DNAJC13: variants seen among roughly 807,000 people sequenced by gnomAD.
DNAJC13 encodes dnaJ homolog subfamily C member 13.
Under a neutral mutation model 290.5 loss-of-function variants are expected in DNAJC13, and 75 were observed. The ratio of observed to expected loss-of-function variants is 0.26; its 90% CI spans 0.21 to 0.31. DNAJC13 has a LOEUF of 0.31. Ranked by LOEUF, DNAJC13 falls within the 10% of genes least tolerant of loss-of-function variation. The probability of loss-of-function intolerance (pLI) is 1.00; values close to 1 mark genes in which losing one functional copy is unlikely to be tolerated. For synonymous variants in DNAJC13, 862 were observed against 892.0 expected, an observed-to-expected ratio of 0.97 and a Z score of 0.60; for missense variants, 2,260 against 2,674.5, an observed-to-expected ratio of 0.85 and a Z score of 3.42.
intron 20 of DNAJC13, among the ~76,000 whole-genome samples, chr3:132,472,097 G>A (rs918204577): frequency 1.5e-4 from 22 of 150,016 alleles, no homozygotes; most frequent in African/African-American, 5.1e-4. Flanking sequence ...CCAGTCAGGC[G>A]TGGCGGCGCG....
intron 19 of DNAJC13, among the ~76,000 whole-genome samples, chr3:132,466,933 C>T (rs1255955168): frequency 1.3e-5 from 2 of 152,182 alleles, no homozygotes; most frequent in African/African-American, 2.4e-5. Context: ...TCTCTGTCTG[C>T]ACCCAGCTCC....
Position 132,530,983 on chromosome 3 carries a change from G to A in DNAJC13, c.6526-15G>A, listed in dbSNP as rs200028773. 37 of 1,609,698 alleles carry A rather than the reference G, an allele frequency of 2.3e-5. No individual in the cohort carries two copies. The African/African-American group carries it at 4.7e-4, about 20-fold the overall frequency. On this transcript the variant is annotated splice_polypyrimidine_tract_variant and intron_variant, in intron 54 of 55. Transcript: ENST00000260818. Reference sequence around the variant, plus strand: ...CCTTGATTTTATGTTCAAAGGGCTTGTTTTACTTTCCTAGGTGAATGAAAT... The same window carrying A: ...CCTTGATTTTATGTTCAAAGGGCTTATTTTACTTTCCTAGGTGAATGAAAT...
chr3:132,420,859 T>C (rs537048812), intron 1 of DNAJC13, among the ~76,000 whole-genome samples: 1 of 152,190 alleles, frequency 6.6e-6, no homozygotes, highest in Non-Finnish European at 1.5e-5. Flanking sequence ...AAAAATTACC[T>C]CAATCTCTAC....
Position 132,531,540 on chromosome 3 carries a change from A to G in DNAJC13, c.6625+443A>G, listed in dbSNP as rs540203937. Among the ~76,000 whole-genome samples, 6 of 152,300 alleles carry G rather than the reference A, an allele frequency of 3.9e-5. No homozygotes were observed. The South Asian group carries it at 8.3e-4, about 21-fold the overall frequency. ...TGGCTGGGCGCGGTGGCTCACGCCT[A>G]TAATCCCAGCACTTTGGGAAGCTGA... On this transcript the variant is annotated intron_variant, in intron 55 of 55. Coordinates refer to ENST00000260818, the MANE Select transcript of DNAJC13 (RefSeq NM_015268.4).
At chr3:132,471,907 T>G (rs1284563385) in intron 20 of DNAJC13, among the ~76,000 whole-genome samples, 6 of 142,312 alleles carry the variant, frequency 4.2e-5, no homozygotes, top group African/African-American at 1.0e-4. Context: ...CTGGGAGGTG[T>G]AGGTTGTAGT....
chr3:132,535,398 T>C (rs906320028), intron 55 of DNAJC13, among the ~76,000 whole-genome samples: 7 of 152,196 alleles, frequency 4.6e-5, no homozygotes, highest in African/African-American at 1.7e-4. Context: ...TATTTAAAGG[T>C]GCCTCAGTGG....
chr3:132,447,230 T>G, intron 3 of DNAJC13, 91 bp from the exon 4 acceptor site: 1 of 1,153,854 alleles, frequency 8.7e-7, no homozygotes, highest in Non-Finnish European at 1.1e-6. Flanking sequence ...TTTGCTGATT[T>G]AATCAGTGAT....
At chr3:132,532,398 G>A (rs1261112056) in intron 55 of DNAJC13, among the ~76,000 whole-genome samples, 1 of 152,052 alleles carries the variant, frequency 6.6e-6, no homozygotes, top group African/African-American at 2.4e-5. Flanking sequence ...TCCTAAAGTT[G>A]GAGCAGAGTC....
At chr3:132,434,663 A>G (rs772803277) in intron 2 of DNAJC13, 45 bp downstream of exon 2, 1 of 1,459,538 alleles carries the variant, frequency 6.9e-7, no homozygotes, top group Non-Finnish European at 9.5e-7. Flanking sequence ...TCTATAAAAT[A>G]TTTTAAACAT....
At chr3:132,497,345 A>G (rs1277806691) in intron 36 of DNAJC13, among the ~76,000 whole-genome samples, 1 of 152,238 alleles carries the variant, frequency 6.6e-6, no homozygotes, top group African/African-American at 2.4e-5. Context: ...AATATGGCAG[A>G]TGCCCAATGG....
intron 20 of DNAJC13, among the ~76,000 whole-genome samples, chr3:132,471,049 G>A (rs1386555785): frequency 2.9e-4 from 40 of 137,026 alleles, no homozygotes; most frequent in Non-Finnish European, 3.7e-4. Flanking sequence ...CGGACGGGGC[G>A]GCTGGCCAGG....
chr3:132,537,269 A>G (rs1212445816), intron 55 of DNAJC13: 2 of 455,374 alleles, frequency 4.4e-6, no homozygotes, highest in Admixed American at 2.4e-5. Context: ...TGAAGCAGGT[A>G]GAGAAATGTT....
chr3:132,461,406 GA>G (rs922345525), intron 15 of DNAJC13, among the ~76,000 whole-genome samples: 9 of 151,088 alleles, frequency 6.0e-5, no homozygotes, highest in African/African-American at 1.7e-4. Context: ...TGACCTAAAA[GA>G]AAAAAAAATT....
At chr3:132,438,296 T>C (rs1012228252) in intron 2 of DNAJC13, among the ~76,000 whole-genome samples, 2 of 152,224 alleles carry the variant, frequency 1.3e-5, no homozygotes, top group African/African-American at 4.8e-5. Flanking sequence ...ATCATTTCAT[T>C]GGGTTATATA....
At chr3:132,433,684 T>TG (rs1939298145) in intron 1 of DNAJC13, among the ~76,000 whole-genome samples, 1 of 152,232 alleles carries the variant, frequency 6.6e-6, no homozygotes, top group Non-Finnish European at 1.5e-5. Context: ...GGAACTGGTT[T>TG]GACTCTTGGA....
chr3:132,477,586 A>C (rs1934515032), intron 22 of DNAJC13, among the ~76,000 whole-genome samples: 1 of 152,214 alleles, frequency 6.6e-6, no homozygotes, highest in Non-Finnish European at 1.5e-5. Flanking sequence ...TAGTGCTGTG[A>C]CAATTTTTAT....
intron 25 of DNAJC13, 57 bp downstream of exon 25, chr3:132,479,346 T>TA: frequency 8.2e-7 from 1 of 1,216,744 alleles, no homozygotes; most frequent in South Asian, 1.2e-5. Flanking sequence ...GTATGTAAGA[T>TA]AAACTCACAG....
At chr3:132,529,669 C>T (rs1366390899) in intron 54 of DNAJC13, among the ~76,000 whole-genome samples, 1 of 151,892 alleles carries the variant, frequency 6.6e-6, no homozygotes, top group Non-Finnish European at 1.5e-5. Context: ...CGCCTGTAGT[C>T]CCATCTACTC....
At chr3:132,507,727 G>C (rs1490445872) in intron 43 of DNAJC13, among the ~76,000 whole-genome samples, 1 of 152,138 alleles carries the variant, frequency 6.6e-6, no homozygotes, top group Non-Finnish European at 1.5e-5. Context: ...TGTTCTGATT[G>C]TTCCACCAAC....
Sources: gnomAD v4.1 joint callset for allele counts (sites outside exome capture counted in the v4.1 genomes callset) on GRCh38, gnomAD v4.1.1 for gene constraint, MANE v1.5 for transcripts, NCBI Gene and HGNC (gene_info 2026-07-23, HGNC 2026-07-21) for gene names.